Variants in PI16 observed in about 807,000 individuals in gnomAD.
PI16 encodes PSP94-binding protein.
Under a neutral mutation model 38.0 loss-of-function variants are expected in PI16, and 35 were observed. The observed-to-expected ratio is 0.92, with a 90% CI of 0.70 to 1.22. The LOEUF is 1.22. Ranked by LOEUF, PI16 falls within the 50% of genes most tolerant of loss-of-function variation. The pLI is 0.00. For synonymous variants in PI16, 275 were observed against 252.9 expected, an observed-to-expected ratio of 1.09 and a Z score of -0.83; for missense variants, 572 against 593.8, an observed-to-expected ratio of 0.96 and a Z score of 0.38.
chr6:36,960,544 AAATCCCAGCAGC>A (rs1763333187), intron 2 of PI16, among the ~76,000 whole-genome samples: 2 of 151,790 alleles, frequency 1.3e-5, no homozygotes, highest in African/African-American at 4.8e-5. Flanking sequence ...TTTAGGGAGG[AAATCCCAGCAGC>A]ACCCACCCAG....
At position 36,963,381 on chromosome 6, in the gene PI16, A is replaced by G; in HGVS notation, c.1039A>G (p.Arg347Gly). Residue 347 changes from arginine (R) to glycine (G), a missense_variant, in exon 5 of 7, where the codon AGG becomes GGG. Arg to Gly is a moderately radical substitution (Grantham distance 125, BLOSUM62 -2). Coordinates refer to ENST00000373674, the MANE Select transcript of PI16 (RefSeq NM_153370.3). ...CCCCAAGATGTCCCTGACAGGGGCA[A>G]GGGAACTCCTACCCCATGCCCAGGA... ...LDPKMSLTGA[R>G]ELLPHAQEEA... is the part of the protein sequence containing the mutation. 4 of 1,614,116 alleles carry G rather than the reference A, an allele frequency of 2.5e-6. No individual in the cohort carries two copies. Among genetic ancestry groups the G allele is most frequent in the Non-Finnish European group, 3.4e-6 (4 of 1,179,984 alleles).
At chr6:36,955,582 CTACGTATA>C (rs1474655349) in intron 1 of PI16, among the ~76,000 whole-genome samples, 1 of 152,148 alleles carries the variant, frequency 6.6e-6, no homozygotes, top group Non-Finnish European at 1.5e-5. Context: ...AGAATTAGAG[CTACGTATA>C]TACCAGTGTG....
chr6:36,963,181 C>T lies in PI16; in HGVS notation c.839C>T (p.Ala280Val), dbSNP rs1356203124. 1.2e-6 allele frequency: 2 copies of T among 1,614,118 alleles called. No individual in the cohort carries two copies. The highest frequency in any genetic ancestry group is 2.7e-5 in the African/African-American group (2 of 74,930). ...GACCCGCCCTCCATGGCAACAGAGG[C>T]TCCACCTTGCGTAACAACTGAGGTC... ...TKDPPSMATE[A>V]PPCVTTEVPS... The change falls in exon 5 of 7, where the codon GCT becomes GTT. Residue 280 changes from alanine to valine, a missense_variant. Transcript: ENST00000373674.
intron 1 of PI16, among the ~76,000 whole-genome samples, chr6:36,948,673 C>CTCCCTCCT (rs1490737506): frequency 0.23 from 1,831 of 7,810 alleles, 260 homozygotes; most frequent in South Asian, 0.29. Context: ...TCCTTCCTCC[C>CTCCCTCCT]TCCCTCCTTC....
In PI16 at chr6:36,961,561, G is replaced by C; in HGVS notation, c.503+1G>C. ...TACTGGTGTGCAACTATGAGCCTCC[G>C]TGAGTGCCGGGGGGAACCCTGGAGA... On this transcript the variant is annotated splice_donor_variant, in intron 3 of 6. Coordinates refer to ENST00000373674, the MANE Select transcript of PI16 (RefSeq NM_153370.3). LOFTEE classifies it high-confidence loss of function. The C allele has an allele frequency of 6.2e-7, 1 of 1,613,588 alleles. No homozygotes were observed. Among genetic ancestry groups the C allele is most frequent in the Non-Finnish European group, 8.5e-7 (1 of 1,179,502 alleles).
rs753079501 is a variant in PI16, at chr6:36,954,826, A to G, written c.66A>G (p.Thr22=). The change falls in exon 1 of 7, where the codon ACA becomes ACG. Residue 22 remains threonine (T), a synonymous_variant. Transcript: ENST00000373674. ...LPLLLLLVAT[T]GPVGALTDEE... is the part of the protein sequence containing the mutation. ...TACTGCTACTGCTGGTGGCCACCAC[A>G]GGCCCCGTTGGAGCCCTCACAGATG... The G allele has an allele frequency of 1.2e-6, 2 of 1,614,142 alleles. No homozygotes were observed. The highest frequency in any genetic ancestry group is 1.7e-6 in the Non-Finnish European group (2 of 1,180,024).
chr6:36,955,356 G>C (rs1366131442), intron 1 of PI16, among the ~76,000 whole-genome samples: 1 of 152,172 alleles, frequency 6.6e-6, no homozygotes, highest in Non-Finnish European at 1.5e-5. Flanking sequence ...TCACATGCCT[G>C]CCAAGGAGAG....
Position 36,963,490 on chromosome 6 carries a change from T to G in PI16, c.1148T>G (p.Leu383Arg). 1 of 1,614,164 alleles carries G rather than the reference T, an allele frequency of 6.2e-7. No individual in the cohort carries two copies. The highest frequency in any genetic ancestry group is 8.5e-7 in the Non-Finnish European group (1 of 1,180,046). ...VFPAQDKPGE[L>R]QATLDHTGHT... ...CCAGCCCAGGACAAGCCAGGTGAGC[T>G]GCAGGCCACACTGGACCACACGGGG... The change falls in exon 5 of 7, where the codon CTG becomes CGG. Residue 383 changes from leucine to arginine, a missense_variant. Transcript: ENST00000373674.
intron 1 of PI16, among the ~76,000 whole-genome samples, chr6:36,949,112 CTT>C (rs1491491738): frequency 6.7e-6 from 1 of 149,408 alleles, no homozygotes; most frequent in Admixed American, 6.7e-5. Flanking sequence ...TCTCTCCTCT[CTT>C]CTCTCTCTCT....
chr6:36,955,081 C>T, intron 1 of PI16, 150 bp downstream of exon 1: 1 of 1,381,002 alleles, frequency 7.2e-7, no homozygotes, highest in Admixed American at 3.0e-5. Flanking sequence ...GAGTCCCTGA[C>T]ATGGTATTAC....
chr6:36,952,013 TTTTC>T (rs1417174376), upstream of PI16, among the ~76,000 whole-genome samples: 3 of 148,586 alleles, frequency 2.0e-5, no homozygotes, highest in African/African-American at 2.5e-5. Context: ...TTTTTTTTTT[TTTTC>T]TTTTGAGACT....
chr6:36,962,806 C>G lies in PI16; in HGVS notation c.593-129C>G. On this transcript the variant is annotated intron_variant, in intron 4 of 6. Transcript: ENST00000373674. This position sits in a 1 kb window ranked among gnomAD's most constrained non-coding sequence, Gnocchi z 4.1. ...TTATTTTCAATGAGGGGCATATCAG[C>G]TGGAGAAGTGTATGTGTGTGTTTGT... 1 of 788,544 alleles carries G rather than the reference C, an allele frequency of 1.3e-6. No individual in the cohort carries two copies. The allele number at this position is 788,544 out of a possible 1,614,324, so 48.8% of individuals were successfully genotyped here.
intron 4 of PI16, 24 bp downstream of exon 4, chr6:36,961,998 G>A (rs536163332): frequency 1.9e-6 from 3 of 1,582,338 alleles, no homozygotes; most frequent in African/African-American, 1.3e-5. Context: ...TGGATGGGTA[G>A]GGGCAGGGGG....
chr6:36,961,331 G>A, intron 2 of PI16, 120 bp from the exon 3 acceptor site: 1 of 811,558 alleles, frequency 1.2e-6, no homozygotes, highest in South Asian at 1.5e-5. Flanking sequence ...TGGGGACGTG[G>A]ATGTCACAGG....
rs1763414591 is a variant in PI16, at chr6:36,963,012, GC to G, written c.671del (p.Ala224AspfsTer13). 6.2e-7 allele frequency: 1 copy of G among 1,614,108 alleles called. No individual in the cohort carries two copies. On this transcript the variant is annotated frameshift_variant, in exon 5 of 7. Transcript: ENST00000373674. LOFTEE classifies it high-confidence loss of function. Reference sequence around the variant, plus strand: ...GGCCCCATCCTTCCGGGCGACTGAAGCATCAGACTCTAGGAAAATGGGTACT... The same window carrying G: ...GGCCCCATCCTTCCGGGCGACTGAAGATCAGACTCTAGGAAAATGGGTACT... ...TEAPSFRATE[A>X]SDSRKMGTPS...
At position 36,954,796 on chromosome 6, in the gene PI16, G is replaced by A. The variant is rs1221738879; in HGVS notation, c.36G>A (p.Leu12=). ...HGSCSFLMLL[L]PLLLLLVATT... ...CCTGCAGTTTCCTGATGCTTCTGCTGCCGCTACTGCTACTGCTGGTGGCCA... is the reference window on the plus strand; with the variant it reads ...CCTGCAGTTTCCTGATGCTTCTGCTACCGCTACTGCTACTGCTGGTGGCCA... The change falls in exon 1 of 7, where the codon CTG becomes CTA. Residue 12 remains leucine (L), a synonymous_variant. Transcript: ENST00000373674. 6.2e-7 allele frequency: 1 copy of A among 1,613,868 alleles called. No homozygotes were observed. The highest frequency in any genetic ancestry group is 1.7e-5 in the Admixed American group (1 of 60,008).
intron 1 of PI16, 94 bp from the exon 2 acceptor site, chr6:36,959,051 C>A: frequency 9.0e-7 from 1 of 1,105,472 alleles, no homozygotes; most frequent in Non-Finnish European, 1.3e-6. Context: ...TAAGGAGGTG[C>A]CGGAAGGATT....
chr6:36,957,092 A>G (rs1295594977), intron 1 of PI16, among the ~76,000 whole-genome samples: 1 of 152,124 alleles, frequency 6.6e-6, no homozygotes, highest in Admixed American at 6.5e-5. Context: ...AATCCAACAC[A>G]TGGGCCTGAC....
Position 36,959,180 on chromosome 6 carries a change from C to T in PI16, c.207C>T (p.Ala69=). The change falls in exon 2 of 7, where the codon GCC becomes GCT. Residue 69 remains alanine, a synonymous_variant. Transcript: ENST00000373674. Reference sequence around the variant, plus strand: ...AGGAGCTGGCCGCCTTCGCCAAGGCCTACGCACGGCAGTGCGTGTGGGGCC... The same window carrying T: ...AGGAGCTGGCCGCCTTCGCCAAGGCTTACGCACGGCAGTGCGTGTGGGGCC... ...WDEELAAFAK[A]YARQCVWGHN... is the part of the protein sequence containing the mutation. 6.2e-7 allele frequency: 1 copy of T among 1,611,042 alleles called. No homozygotes were observed. The highest frequency in any genetic ancestry group is 8.5e-7 in the Non-Finnish European group (1 of 1,179,244).
Sources: allele counts gnomAD v4.1 joint callset (sites outside exome capture counted in the v4.1 genomes callset), GRCh38; gene constraint gnomAD v4.1.1; non-coding constraint Gnocchi (gnomAD v3.1); transcripts MANE v1.5; gene names NCBI Gene and HGNC (gene_info 2026-07-23, HGNC 2026-07-21).